ERC2: variants seen among roughly 807,000 people sequenced by gnomAD.
ERC2 encodes the protein ELKS/RAB6-interacting/CAST family member 2.
In ERC2, 42 loss-of-function variants were observed where a neutral mutation model predicts 114.8. The ratio of observed to expected loss-of-function variants is 0.37; its 90% CI spans 0.29 to 0.47. The LOEUF (loss-of-function observed/expected upper bound fraction) is 0.47. Ranked by LOEUF, ERC2 falls within the 20% of genes least tolerant of loss-of-function variation. The probability of loss-of-function intolerance (pLI) is 0.99; values close to 1 mark genes in which losing one functional copy is unlikely to be tolerated. For missense variants in ERC2, 939 were observed against 1,150.7 expected, an observed-to-expected ratio of 0.82 and a Z score of 2.66; for synonymous variants, 454 against 425.5, an observed-to-expected ratio of 1.07 and a Z score of -0.82.
intron 14 of ERC2, among the ~76,000 whole-genome samples, chr3:55,868,163 A>G (rs1283322405): frequency 6.6e-6 from 1 of 152,164 alleles, no homozygotes; most frequent in Admixed American, 6.5e-5. Context: ...TAAGCTCTAC[A>G]CTTTCAGGAC....
chr3:56,313,001 C>CATATATCTATAT (rs2056670378), intron 2 of ERC2, among the ~76,000 whole-genome samples: 1 of 43,882 alleles, frequency 2.3e-5, no homozygotes, highest in African/African-American at 7.9e-5. Flanking sequence ...TATGTATATT[C>CATATATCTATAT]ATATATATAT....
At chr3:56,056,831 G>A (rs2076035313) in intron 7 of ERC2, among the ~76,000 whole-genome samples, 1 of 152,058 alleles carries the variant, frequency 6.6e-6, no homozygotes, top group Non-Finnish European at 1.5e-5. Flanking sequence ...TGGTCAATAG[G>A]CATACTCTTT....
rs1402543393 is a variant in ERC2, at chr3:56,437,854, A to T, written c.-140-2707T>A. Among the ~76,000 whole-genome samples the T allele has an allele frequency of 2.0e-5, 3 of 152,230 alleles. No homozygotes were observed. The East Asian group carries it at 5.8e-4, about 29-fold the overall frequency. ...AATAAGACAGAAAGATGTTCATGAC[A>T]TACTGGTGGCAGGGGGAGCAGACGA... is the stretch of plus-strand genomic sequence containing the variant. On this transcript the variant is annotated intron_variant, in intron 1 of 17. Transcript: ENST00000288221.
At chr3:56,188,062 G>T (rs1005768502) in intron 3 of ERC2, among the ~76,000 whole-genome samples, 3 of 152,080 alleles carry the variant, frequency 2.0e-5, no homozygotes, top group African/African-American at 4.8e-5. Flanking sequence ...TTAATAGGGT[G>T]ACAGGGGGAG....
intron 7 of ERC2, among the ~76,000 whole-genome samples, chr3:56,035,555 A>G (rs978862581): frequency 6.6e-6 from 1 of 152,204 alleles, no homozygotes; most frequent in Admixed American, 6.5e-5. Flanking sequence ...TAAGTCATGA[A>G]GGTTCTGCCC....
intron 17 of ERC2, among the ~76,000 whole-genome samples, chr3:55,562,153 CTTCTTT>C (rs1367124656): frequency 6.6e-6 from 1 of 152,122 alleles, no homozygotes; most frequent in African/African-American, 2.4e-5. Flanking sequence ...CTCCCGCTGC[CTTCTTT>C]TTCTTTTTTG....
intron 2 of ERC2, among the ~76,000 whole-genome samples, chr3:56,405,790 A>C (rs976062802): frequency 2.0e-5 from 3 of 152,068 alleles, no homozygotes; most frequent in South Asian, 2.1e-4. Flanking sequence ...TCTTTTATCA[A>C]TATTTAACAT....
At chr3:55,777,442 GA>G (rs2068712155) in intron 14 of ERC2, among the ~76,000 whole-genome samples, 1 of 152,210 alleles carries the variant, frequency 6.6e-6, no homozygotes, top group Non-Finnish European at 1.5e-5. Flanking sequence ...AGAAAGTCCA[GA>G]AACAAAAGTG....
chr3:55,735,017 A>T, intron 14 of ERC2, 99 bp from the exon 15 acceptor site: 1 of 1,256,420 alleles, frequency 8.0e-7, no homozygotes, highest in Non-Finnish European at 1.1e-6. Flanking sequence ...TATTGTCTCA[A>T]TGGAAAGAAA....
intron 17 of ERC2, among the ~76,000 whole-genome samples, chr3:55,643,834 A>G (rs896435630): frequency 2.6e-5 from 4 of 152,218 alleles, no homozygotes; most frequent in Non-Finnish European, 4.4e-5. Flanking sequence ...TAAAATTTAA[A>G]TACTATTCAG....
intron 14 of ERC2, among the ~76,000 whole-genome samples, chr3:55,762,604 T>G (rs2067522269): frequency 6.6e-6 from 1 of 152,200 alleles, no homozygotes; most frequent in Admixed American, 6.5e-5. Flanking sequence ...AAGCAAACCC[T>G]TGGCCAAAGC....
chr3:55,842,835 C>T (rs962824594), intron 14 of ERC2, among the ~76,000 whole-genome samples: 1 of 151,972 alleles, frequency 6.6e-6, no homozygotes. Flanking sequence ...GAGGTTCTAA[C>T]CTCTAACGAT....
At chr3:55,765,916 G>A (rs77241391) in intron 14 of ERC2, among the ~76,000 whole-genome samples, 2,856 of 152,270 alleles carry the variant, frequency 0.019, 101 homozygotes, top group African/African-American at 0.066. Context: ...AATCCTAATA[G>A]AATGAGAGTG....
intron 3 of ERC2, among the ~76,000 whole-genome samples, chr3:56,192,215 G>C (rs1431496869): frequency 6.6e-6 from 1 of 152,124 alleles, no homozygotes; most frequent in African/African-American, 2.4e-5. Context: ...GCAGAATGTG[G>C]CACTCTGCTC....
intron 3 of ERC2, among the ~76,000 whole-genome samples, chr3:56,243,844 G>A (rs1420993554): frequency 6.6e-6 from 1 of 152,060 alleles, no homozygotes; most frequent in Non-Finnish European, 1.5e-5. Flanking sequence ...CTGAGAGCGA[G>A]GCAAGTTCCC....
At chr3:56,347,902 A>G (rs898202905) in intron 2 of ERC2, among the ~76,000 whole-genome samples, 18 of 152,224 alleles carry the variant, frequency 1.2e-4, no homozygotes, top group African/African-American at 4.1e-4. Flanking sequence ...TTTAAATATT[A>G]AATGCTCTCT....
At chr3:56,461,662 T>G (rs2063324229) in intron 1 of ERC2, among the ~76,000 whole-genome samples, 1 of 152,158 alleles carries the variant, frequency 6.6e-6, no homozygotes, top group Admixed American at 6.5e-5. Flanking sequence ...AAATAAAACA[T>G]CTGAACAGCT....
chr3:55,875,419 C>T (rs1396013229), intron 14 of ERC2, among the ~76,000 whole-genome samples: 1 of 152,154 alleles, frequency 6.6e-6, no homozygotes, highest in Non-Finnish European at 1.5e-5. Flanking sequence ...CAGAGTTGGC[C>T]TCAGCTTCCT....
At chr3:56,259,637 T>A (rs2052772803) in intron 3 of ERC2, among the ~76,000 whole-genome samples, 1 of 145,164 alleles carries the variant, frequency 6.9e-6, no homozygotes, top group Admixed American at 7.1e-5. Context: ...TATGTAATTC[T>A]GGTACAGATT....
Sources: allele counts gnomAD v4.1 joint callset (sites outside exome capture counted in the v4.1 genomes callset), GRCh38; gene constraint gnomAD v4.1.1; transcripts MANE v1.5; gene names NCBI Gene and HGNC (gene_info 2026-07-23, HGNC 2026-07-21).